The following ADARB2 variants were observed in gnomAD, a reference collection of about 807,000 sequenced individuals.
ADARB2 encodes the protein adenosine deaminase RNA specific B2 (inactive).
ADARB2 carries 25 observed loss-of-function variants against 62.2 expected under a neutral mutation model. The ratio of observed to expected loss-of-function variants is 0.40; its 90% confidence interval spans 0.29 to 0.56. ADARB2 has a LOEUF of 0.56. Among genes scored for constraint, ADARB2 ranks in the 20% least tolerant of loss-of-function variants. The pLI, the probability that ADARB2 is intolerant of heterozygous loss-of-function variation, is 0.43. For missense variants in ADARB2, 1,071 were observed against 1,077.4 expected, an observed-to-expected ratio of 0.99 and a Z score of 0.08; for synonymous variants, 572 against 500.8, an observed-to-expected ratio of 1.14 and a Z score of -1.90.
intron 1 of ADARB2, among the ~76,000 whole-genome samples, chr10:1,436,681 G>C (rs1430294486): frequency 3.3e-5 from 5 of 152,154 alleles, no homozygotes; most frequent in African/African-American, 7.2e-5. Context: ...TCGGGGAGAA[G>C]CTACCTTAAC....
At chr10:1,592,273 C>T (rs1274688943) in intron 1 of ADARB2, among the ~76,000 whole-genome samples, 2 of 151,508 alleles carry the variant, frequency 1.3e-5, no homozygotes, top group African/African-American at 4.9e-5. Flanking sequence ...CCAAGCCACA[C>T]TCTGTAGGTC....
chr10:1,693,095 C>G (rs763607642), intron 1 of ADARB2, among the ~76,000 whole-genome samples: 1 of 152,178 alleles, frequency 6.6e-6, no homozygotes, highest in Admixed American at 6.5e-5. Flanking sequence ...CATCAGCACC[C>G]GTGAGCCAAC....
chr10:1,304,612 C>A (rs1276022212), intron 3 of ADARB2, among the ~76,000 whole-genome samples: 1 of 151,162 alleles, frequency 6.6e-6, no homozygotes, highest in East Asian at 1.9e-4. Context: ...CCAAAATTGA[C>A]CACATACTTG....
chr10:1,714,764 T>A (rs943925396), intron 1 of ADARB2, among the ~76,000 whole-genome samples: 1 of 152,196 alleles, frequency 6.6e-6, no homozygotes, highest in Non-Finnish European at 1.5e-5. Flanking sequence ...TACCCAGGGG[T>A]GTATTTTATA....
At chr10:1,394,847 A>G (rs1276504729) in intron 1 of ADARB2, 2 of 456,878 alleles carry the variant, frequency 4.4e-6, no homozygotes, top group Non-Finnish European at 8.8e-6. Flanking sequence ...CACCCCATAT[A>G]CCAGGACTCG....
chr10:1,479,077 C>A (rs1164418252), intron 1 of ADARB2, among the ~76,000 whole-genome samples: 1 of 152,168 alleles, frequency 6.6e-6, no homozygotes, highest in South Asian at 2.1e-4. Flanking sequence ...GCAGGGGCAG[C>A]ATAGGTTGTG....
intron 1 of ADARB2, among the ~76,000 whole-genome samples, chr10:1,510,110 C>CTTTCTTTCTTTCTTTTTTCTTTCTT (rs1289777469): frequency 4.0e-4 from 43 of 106,252 alleles, no homozygotes; most frequent in African/African-American, 1.6e-3. Context: ...CTTTCTTTCT[C>CTTTCTTTCTTTCTTTTTTCTTTCTT]TCTTTCTTTC....
chr10:1,522,797 C>T (rs536743177), intron 1 of ADARB2, among the ~76,000 whole-genome samples: 17 of 152,298 alleles, frequency 1.1e-4, no homozygotes, highest in African/African-American at 1.7e-4. Flanking sequence ...AGAATACTTC[C>T]GAGGTCCTCA....
rs545086319 is a variant in ADARB2, at chr10:1,182,378, C to T, written c.*815G>A. On this transcript the variant is annotated 3_prime_UTR_variant, in exon 10 of 10. Transcript: ENST00000381312. ...CCGGGCTCCCCACATCTGCAGCACG[C>T]GTGGGCCGGGTGTTTCCAGACTCCC... The T allele has an allele frequency of 7.8e-5, 12 of 153,870 alleles. No individual in the cohort carries two copies. The highest frequency in any genetic ancestry group is 1.3e-4 in the Non-Finnish European group (9 of 69,176). The allele number at this position is 153,870 out of a possible 1,614,324, so 9.5% of individuals were successfully genotyped here.
intron 7 of ADARB2, among the ~76,000 whole-genome samples, chr10:1,206,287 G>A (rs1190121692): frequency 1.3e-5 from 2 of 152,142 alleles, no homozygotes; most frequent in Non-Finnish European, 2.9e-5. Context: ...CTACCTGCGC[G>A]GGGGCCACGC....
chr10:1,612,077 G>A (rs1363880524), intron 1 of ADARB2, among the ~76,000 whole-genome samples: 6 of 152,180 alleles, frequency 3.9e-5, no homozygotes, highest in African/African-American at 1.4e-4. Flanking sequence ...GGAGATTGGA[G>A]GGGATCTTTC....
At chr10:1,356,191 T>G (rs1249323382) in intron 3 of ADARB2, among the ~76,000 whole-genome samples, 2 of 152,314 alleles carry the variant, frequency 1.3e-5, no homozygotes, top group Admixed American at 6.5e-5. Flanking sequence ...AGGACTGTTT[T>G]TCCTTCCCTA....
Position 1,288,292 on chromosome 10 carries a change from C to T in ADARB2, c.1078-17223G>A, listed in dbSNP as rs1031665315. On this transcript the variant is annotated intron_variant, in intron 3 of 9. Coordinates refer to ENST00000381312, the MANE Select transcript of ADARB2 (RefSeq NM_018702.4). ...ACAGGGCAAAATAAGACAAGGTCCTCTACATAAAGCAGCCTAGAATACGAA... is the reference window on the plus strand; with the variant it reads ...ACAGGGCAAAATAAGACAAGGTCCTTTACATAAAGCAGCCTAGAATACGAA... 2.6e-5 allele frequency among the ~76,000 whole-genome samples: 4 copies of T among 152,242 alleles called. 1 individual carries two copies. The highest frequency in any genetic ancestry group is 2.6e-4 in the Admixed American group (4 of 15,282).
intron 8 of ADARB2, among the ~76,000 whole-genome samples, chr10:1,185,499 AC>A (rs1230747164): frequency 1.6e-3 from 235 of 149,776 alleles, no homozygotes; most frequent in African/African-American, 5.8e-3. Context: ...GATGAGAAAA[AC>A]AAAACAAAAC....
chr10:1,216,111 C>CA (rs1193501213), intron 7 of ADARB2: 2 of 148,392 alleles, frequency 1.3e-5, no homozygotes, highest in East Asian at 4.1e-4. Context: ...GGTCTTGGGA[C>CA]ATTAGACCAA....
intron 1 of ADARB2, among the ~76,000 whole-genome samples, chr10:1,662,046 G>GA (rs1339855687): frequency 6.6e-6 from 1 of 152,182 alleles, no homozygotes; most frequent in Non-Finnish European, 1.5e-5. Flanking sequence ...TCCCCAGGGA[G>GA]GTCCACACCC....
rs1831070285 is a variant in ADARB2 at position 1,255,276 on chromosome 10, C to T, written c.1193-12977G>A. Among the ~76,000 whole-genome samples the T allele has an allele frequency of 6.6e-6, 1 of 152,252 alleles. No homozygotes were observed. The highest frequency in any genetic ancestry group is 2.4e-5 in the African/African-American group (1 of 41,474). On this transcript the variant is annotated intron_variant, in intron 4 of 9. Coordinates refer to ENST00000381312, the MANE Select transcript of ADARB2 (RefSeq NM_018702.4). The surrounding 1 kb of genome is among the most constrained non-coding windows in gnomAD (Gnocchi z 4.7). Reference sequence around the variant, plus strand: ...GGCTTGCTTTGTCAACACAGATTCACATGTTGCTCTGACAGGAAATGAGGC... The same window carrying T: ...GGCTTGCTTTGTCAACACAGATTCATATGTTGCTCTGACAGGAAATGAGGC...
At chr10:1,604,901 A>T (rs768846776) in intron 1 of ADARB2, among the ~76,000 whole-genome samples, 5 of 152,194 alleles carry the variant, frequency 3.3e-5, no homozygotes, top group African/African-American at 4.8e-5. Context: ...TCCCAATTTT[A>T]TCATTTCTGC....
At chr10:1,557,837 G>A (rs1347706544) in intron 1 of ADARB2, among the ~76,000 whole-genome samples, 1 of 152,186 alleles carries the variant, frequency 6.6e-6, no homozygotes, top group Non-Finnish European at 1.5e-5. Context: ...GTTTGAACCC[G>A]GGAGGCGGAG....
Sources: allele counts gnomAD v4.1 joint callset (sites outside exome capture counted in the v4.1 genomes callset), GRCh38; gene constraint gnomAD v4.1.1; non-coding constraint Gnocchi (gnomAD v3.1); transcripts MANE v1.5; gene names NCBI Gene and HGNC (gene_info 2026-07-23, HGNC 2026-07-21).